The following FANCM variants were observed in gnomAD, a reference collection of about 807,000 sequenced individuals.
FANCM encodes the protein Fanconi anemia group M protein.
FANCM carries 140 observed loss-of-function variants against 199.5 expected under a neutral mutation model. That is an observed-to-expected ratio of 0.70 (90% CI 0.61 to 0.81). The LOEUF (loss-of-function observed/expected upper bound fraction) is 0.81. Among genes scored for constraint, FANCM ranks in the 30% least tolerant of loss-of-function variants. The probability of loss-of-function intolerance (pLI) is 0.00; values close to 1 mark genes in which losing one functional copy is unlikely to be tolerated. For synonymous variants in FANCM, 840 were observed against 836.8 expected, an observed-to-expected ratio of 1.00 and a Z score of -0.07; for missense variants, 2,410 against 2,421.4, an observed-to-expected ratio of 1.00 and a Z score of 0.10.
intron 3 of FANCM, among the ~76,000 whole-genome samples, chr14:45,144,178 TTACAATCCAGTTA>T (rs1454079044): frequency 1.3e-5 from 2 of 152,196 alleles, no homozygotes; most frequent in Non-Finnish European, 2.9e-5. Context: ...ATTCTTTTTG[TTACAATCCAGTTA>T]TACTCTTTTA....
chr14:45,161,076 T>C (rs962714760), intron 9 of FANCM, among the ~76,000 whole-genome samples: 1 of 152,172 alleles, frequency 6.6e-6, no homozygotes, highest in Non-Finnish European at 1.5e-5. Context: ...TTATTTGAAA[T>C]ACCTGCAGTA....
At chr14:45,197,190 T>A in intron 21 of FANCM, among the ~76,000 whole-genome samples, 1 of 152,132 alleles carries the variant, frequency 6.6e-6, no homozygotes, top group East Asian at 1.9e-4. Context: ...ACACACCAAT[T>A]ACTGGCTTCT....
Position 45,176,133 on chromosome 14 carries a change from T to C in FANCM, c.3379T>C (p.Ser1127Pro). ...DVDNSDLPVL[S>P]TDQDESLLLF... ...TGATAACAGTGACCTCCCAGTATTG[T>C]CCACTGATCAAGATGAAAGTTTGCT... The change falls in exon 14 of 23, where the codon TCC (serine) becomes CCC (proline). Residue 1127 changes from serine to proline, a missense_variant. Ser to Pro is a moderately conservative substitution (Grantham distance 74). Coordinates refer to ENST00000267430, the MANE Select transcript of FANCM (RefSeq NM_020937.4). The C allele has an allele frequency of 6.2e-7, 1 of 1,613,968 alleles. No homozygotes were observed. Among genetic ancestry groups the C allele is most frequent in the Non-Finnish European group, 8.5e-7 (1 of 1,179,842 alleles).
intron 3 of FANCM, among the ~76,000 whole-genome samples, chr14:45,148,127 G>A (rs539277568): frequency 1.3e-5 from 2 of 152,038 alleles, no homozygotes; most frequent in South Asian, 4.1e-4. Flanking sequence ...AACCTGGGAG[G>A]CGGAGGTTGC....
intron 11 of FANCM, among the ~76,000 whole-genome samples, chr14:45,169,618 C>A (rs1888214215): frequency 6.6e-6 from 1 of 151,902 alleles, no homozygotes; most frequent in African/African-American, 2.4e-5. Flanking sequence ...CTAGGCTGGA[C>A]TCAAACTCCT....
chr14:45,149,717 T>C (rs972931007), intron 4 of FANCM, among the ~76,000 whole-genome samples: 1 of 152,284 alleles, frequency 6.6e-6, no homozygotes, highest in African/African-American at 2.4e-5. Context: ...TTGTCCTCCC[T>C]GATCTTTATG....
intron 3 of FANCM, among the ~76,000 whole-genome samples, chr14:45,146,788 G>A (rs566576282): frequency 1.4e-5 from 2 of 139,894 alleles, no homozygotes; most frequent in East Asian, 4.2e-4. Context: ...AGCCGAGATC[G>A]CGCCACTGCA....
chr14:45,158,098 T>G (rs989826555), intron 8 of FANCM, among the ~76,000 whole-genome samples: 1 of 151,988 alleles, frequency 6.6e-6, no homozygotes, highest in Non-Finnish European at 1.5e-5. Context: ...ACTCAGAGCA[T>G]GAGGTGGGAG....
chr14:45,164,296 A>G (rs1313916180), intron 9 of FANCM, 63 bp from the exon 10 acceptor site: 2 of 1,357,286 alleles, frequency 1.5e-6, no homozygotes, highest in East Asian at 2.3e-5. Context: ...GGGGAAAAAT[A>G]TGCTTTGATC....
At chr14:45,156,949 A>C (rs1439690924) in intron 8 of FANCM, among the ~76,000 whole-genome samples, 3 of 151,146 alleles carry the variant, frequency 2.0e-5, no homozygotes, top group South Asian at 4.2e-4. Flanking sequence ...GGAAAAAAGG[A>C]ATCATATGGC....
At chr14:45,161,036 G>A (rs1887568522) in intron 9 of FANCM, among the ~76,000 whole-genome samples, 1 of 152,026 alleles carries the variant, frequency 6.6e-6, no homozygotes, top group Non-Finnish European at 1.5e-5. Flanking sequence ...AAATGAATTG[G>A]ATTTTTGCTG....
At chr14:45,159,607 C>G (rs1887444334) in intron 9 of FANCM, among the ~76,000 whole-genome samples, 1 of 152,102 alleles carries the variant, frequency 6.6e-6, no homozygotes, top group Non-Finnish European at 1.5e-5. Context: ...AAACATACAT[C>G]ATAGAGTTGT....
At chr14:45,188,386 AT>A (rs111321470) in intron 19 of FANCM, among the ~76,000 whole-genome samples, 2 of 151,824 alleles carry the variant, frequency 1.3e-5, no homozygotes, top group African/African-American at 2.4e-5. Flanking sequence ...ATCAAAATTC[AT>A]TTTTTTTCAT....
At chr14:45,188,687 T>C in intron 19 of FANCM, 115 bp from the exon 20 acceptor site, 3 of 785,034 alleles carry the variant, frequency 3.8e-6, no homozygotes, top group Non-Finnish European at 6.3e-6. Context: ...AGTGGCTGAA[T>C]TAATAAAGTA....
rs1384329770 is a variant in FANCM, at chr14:45,198,793, A to G, written c.5866A>G (p.Asn1956Asp). 14 of 1,613,986 alleles carry G rather than the reference A, an allele frequency of 8.7e-6. No homozygotes were observed. The highest frequency in any genetic ancestry group is 1.7e-5 in the Admixed American group (1 of 60,008). ...ACTGTCTTTAGTGGAACAAAGAAAG[A>G]ATGTTGGTATTCATGTTCCAACAGT... ...KELSLVEQRK[N>D]VGIHVPTVVN... Residue 1956 changes from asparagine (N) to aspartate (D), a missense_variant, in exon 22 of 23, where the codon AAT (asparagine) becomes GAT (aspartate). By Grantham distance (23) the Asn-to-Asp change is conservative. Transcript: ENST00000267430.
intron 20 of FANCM, among the ~76,000 whole-genome samples, chr14:45,192,429 G>A (rs896965876): frequency 1.3e-5 from 2 of 152,190 alleles, no homozygotes; most frequent in Non-Finnish European, 2.9e-5. Context: ...ATCACTTGAG[G>A]TCAGGAGTTT....
rs1211562927 is a variant in FANCM at position 45,176,179 on chromosome 14, C to G, written c.3425C>G (p.Thr1142Arg). The G allele has an allele frequency of 6.2e-7, 1 of 1,613,950 alleles. No individual in the cohort carries two copies. The highest frequency in any genetic ancestry group is 1.7e-5 in the Admixed American group (1 of 60,002). ...TTGCTGTTATTTGAAGATGTTAATA[C>G]AGAGTTCGACGATGTGAGTCTTTCA... ...ESLLLFEDVN[T>R]EFDDVSLSPL... The change falls in exon 14 of 23, where the codon ACA (threonine) becomes AGA (arginine). Residue 1142 changes from threonine to arginine, a missense_variant. Thr to Arg is a moderately conservative substitution (Grantham distance 71, BLOSUM62 -1). Coordinates refer to ENST00000267430, the MANE Select transcript of FANCM (RefSeq NM_020937.4).
Position 45,175,389 on chromosome 14 carries a change from G to T in FANCM, c.2635G>T (p.Asp879Tyr). The stretch of plus-strand genomic sequence containing the variant: ...TAATCACGGTATTATAGATTCTGTA[G>T]ATAATGACAGAAATTCCACTGTTGA... ...ENNHGIIDSVDNDRNSTVENI... is the reference protein window; with the variant it reads ...ENNHGIIDSVYNDRNSTVENI... The change falls in exon 14 of 23, where the codon GAT becomes TAT. Residue 879 changes from aspartate to tyrosine, a missense_variant. Coordinates refer to ENST00000267430, the MANE Select transcript of FANCM (RefSeq NM_020937.4). 1 of 1,559,052 alleles carries T rather than the reference G, an allele frequency of 6.4e-7. No homozygotes were observed. The highest frequency in any genetic ancestry group is 8.7e-7 in the Non-Finnish European group (1 of 1,146,076).
chr14:45,153,812 T>C (rs1886987270), intron 5 of FANCM, 108 bp from the exon 6 acceptor site: 2 of 868,236 alleles, frequency 2.3e-6, no homozygotes, highest in Non-Finnish European at 4.0e-6. Flanking sequence ...TTATGATCAT[T>C]TGGATTATAT....
Sources: allele counts gnomAD v4.1 joint callset (sites outside exome capture counted in the v4.1 genomes callset), GRCh38; gene constraint gnomAD v4.1.1; transcripts MANE v1.5; gene names NCBI Gene and HGNC (gene_info 2026-07-23, HGNC 2026-07-21).